CNTNAP5: variants seen among roughly 807,000 people sequenced by gnomAD.
CNTNAP5 encodes the protein contactin-associated protein-like 5.
In CNTNAP5, 72 loss-of-function variants were observed where a neutral mutation model predicts 150.2. The ratio of observed to expected loss-of-function variants is 0.48; its 90% CI spans 0.40 to 0.58. CNTNAP5 has a LOEUF of 0.58. CNTNAP5 is among the 20% of genes least tolerant of loss of function. The probability of loss-of-function intolerance (pLI) is 0.00; values close to 1 mark genes in which losing one functional copy is unlikely to be tolerated. For missense variants in CNTNAP5, 1,636 were observed against 1,626.2 expected (o/e 1.01, Z -0.10); for synonymous variants, 672 against 619.8 (o/e 1.08, Z -1.25).
Position 124,896,056 on chromosome 2 carries a change from A to T in CNTNAP5, c.3437-6826A>T, listed in dbSNP as rs551348865. On this transcript the variant is annotated intron_variant, in intron 21 of 23. Transcript: ENST00000682447. ...ATTGCCATTCCGGTTCCATATCAAC[A>T]GTTCATTTAGTTTTAGGTATCAAAA... Among the ~76,000 whole-genome samples the T allele has an allele frequency of 2.4e-4, 36 of 151,554 alleles. 1 individual carries two copies. The highest frequency in any genetic ancestry group is 4.1e-4 in the Non-Finnish European group (28 of 68,008).
rs570822852 is a variant in CNTNAP5, at chr2:124,903,226, C to T, written c.3655+126C>T. 1.2e-4 allele frequency: 67 copies of T among 545,746 alleles called. No individual in the cohort carries two copies. The South Asian group carries it at 2.3e-3, about 19-fold the overall frequency. 33.8% of individuals were successfully genotyped at this position (545,746 alleles called of 1,614,324 possible). On this transcript the variant is annotated intron_variant, in intron 22 of 23. Coordinates refer to ENST00000682447, the MANE Select transcript of CNTNAP5 (RefSeq NM_001367498.1). ...TTTTACTTTGTATAATAACAGGTGG[C>T]TAAAAATTATGACTGATATTTCATG...
rs558213315 is a variant in CNTNAP5, at chr2:124,164,323, G to A, written c.83-57382G>A. Among the ~76,000 whole-genome samples, 7 of 152,290 alleles carry A rather than the reference G, an allele frequency of 4.6e-5. No homozygotes were observed. In the South Asian group the frequency reaches 1.0e-3, roughly 23 times the overall value. On this transcript the variant is annotated intron_variant, in intron 1 of 23. Transcript: ENST00000682447. ...GACTGGCTATCTCCTCAAGGCATGT[G>A]CCATTGATTAAGACACAACCCCCAA... is the stretch of plus-strand genomic sequence containing the variant.
chr2:124,459,160 C>T (rs776151798), intron 6 of CNTNAP5, among the ~76,000 whole-genome samples: 65 of 152,158 alleles, frequency 4.3e-4, no homozygotes, highest in East Asian at 1.2e-3. Context: ...TTAAAAATTG[C>T]GGTCAGCCCT....
In CNTNAP5 at chr2:124,248,396, G is replaced by T. The variant is rs1054702487; in HGVS notation, c.381+6003G>T. Among the ~76,000 whole-genome samples, 2 of 152,150 alleles carry T rather than the reference G, an allele frequency of 1.3e-5. 1 individual carries two copies. The highest frequency in any genetic ancestry group is 4.1e-4 in the South Asian group (2 of 4,828). ...GCCAGCTTAGAATAGTCAACTAAAG[G>T]ATCTCAAAGCTCATCATTCAACTTG... On this transcript the variant is annotated intron_variant, in intron 3 of 23. Coordinates refer to ENST00000682447, the MANE Select transcript of CNTNAP5 (RefSeq NM_001367498.1).
chr2:124,156,726 T>A (rs1283063123), intron 1 of CNTNAP5, among the ~76,000 whole-genome samples: 2 of 152,136 alleles, frequency 1.3e-5, no homozygotes, highest in Non-Finnish European at 2.9e-5. Context: ...TCACCTTAGG[T>A]GATCCACCCA....
rs1678716244 is a variant in CNTNAP5, at chr2:124,667,033, A to G, written c.2077+19075A>G. Among the ~76,000 whole-genome samples the G allele has an allele frequency of 2.0e-5, 3 of 151,412 alleles. No homozygotes were observed. The South Asian group carries it at 6.3e-4, about 32-fold the overall frequency. ...CTTTAAGAAGAACGATGGGGGAAAC[A>G]TGAGCAATGATTGGGCAGTTAGAGA... On this transcript the variant is annotated intron_variant, in intron 13 of 23. Coordinates refer to ENST00000682447, the MANE Select transcript of CNTNAP5 (RefSeq NM_001367498.1).
At chr2:124,319,747 G>A (rs1163977893) in intron 3 of CNTNAP5, among the ~76,000 whole-genome samples, 1 of 152,088 alleles carries the variant, frequency 6.6e-6, no homozygotes, top group Non-Finnish European at 1.5e-5. Context: ...CTAGATGCCA[G>A]TAGCACCTTT....
At chr2:124,219,939 C>A (rs181626509) in intron 1 of CNTNAP5, among the ~76,000 whole-genome samples, 1 of 151,770 alleles carries the variant, frequency 6.6e-6, no homozygotes, top group Non-Finnish European at 1.5e-5. Flanking sequence ...GGATCTGGCT[C>A]GGTTTTGTAT....
intron 1 of CNTNAP5, among the ~76,000 whole-genome samples, chr2:124,045,091 G>C (rs1434377254): frequency 6.6e-6 from 1 of 151,980 alleles, no homozygotes; most frequent in Non-Finnish European, 1.5e-5. Context: ...ATATGTCTCT[G>C]GCTCCAAAAT....
At chr2:124,081,599 C>T (rs1682559254) in intron 1 of CNTNAP5, among the ~76,000 whole-genome samples, 1 of 152,160 alleles carries the variant, frequency 6.6e-6, no homozygotes, top group Non-Finnish European at 1.5e-5. Flanking sequence ...GTGAATGAAT[C>T]AGCAGAATTT....
chr2:124,285,032 C>T (rs752263606), intron 3 of CNTNAP5, among the ~76,000 whole-genome samples: 2 of 152,188 alleles, frequency 1.3e-5, no homozygotes, highest in African/African-American at 4.8e-5. Context: ...GTCCTCCCAC[C>T]TCAGCCTTCT....
chr2:124,138,589 C>T (rs1684030403), intron 1 of CNTNAP5, among the ~76,000 whole-genome samples: 1 of 152,146 alleles, frequency 6.6e-6, no homozygotes, highest in African/African-American at 2.4e-5. Flanking sequence ...TACCACCATA[C>T]ATTGGGCTTC....
rs994473153 is a variant in CNTNAP5, at chr2:124,408,542, C to T, written c.382-8901C>T. ...CAGCACGCAGCTGGAGATCTGAGAA[C>T]GGGCAGACTGCCTCCTCAAGTGGGT... On this transcript the variant is annotated intron_variant, in intron 3 of 23. Transcript: ENST00000682447. 4.5e-4 allele frequency among the ~76,000 whole-genome samples: 68 copies of T among 151,500 alleles called. 1 individual carries two copies. The highest frequency in any genetic ancestry group is 9.7e-4 in the East Asian group (5 of 5,132).
intron 5 of CNTNAP5, among the ~76,000 whole-genome samples, chr2:124,438,669 A>G (rs1692597184): frequency 1.3e-5 from 2 of 152,164 alleles, no homozygotes; most frequent in Admixed American, 1.3e-4. Flanking sequence ...AAAGAGTCAA[A>G]TGAACATTTA....
chr2:124,376,794 C>T (rs1690659998), intron 3 of CNTNAP5, among the ~76,000 whole-genome samples: 1 of 150,852 alleles, frequency 6.6e-6, no homozygotes, highest in African/African-American at 2.5e-5. Flanking sequence ...TCGGATGGCC[C>T]TACCTTTTTT....
intron 19 of CNTNAP5, among the ~76,000 whole-genome samples, chr2:124,809,967 A>T (rs181041300): frequency 6.6e-6 from 1 of 152,324 alleles, no homozygotes; most frequent in East Asian, 1.9e-4. Context: ...TCAGACAGAT[A>T]TGGAACTTCT....
At chr2:124,912,088 C>T (rs1206404935) in intron 23 of CNTNAP5, among the ~76,000 whole-genome samples, 1 of 152,062 alleles carries the variant, frequency 6.6e-6, no homozygotes, top group Non-Finnish European at 1.5e-5. Flanking sequence ...TCCATTTTCT[C>T]ATTGCCTGTT....
intron 13 of CNTNAP5, among the ~76,000 whole-genome samples, chr2:124,670,175 T>TCCTTCCTTCCTTCCTC (rs1441589633): frequency 0.031 from 4,279 of 136,100 alleles, 80 homozygotes; most frequent in Non-Finnish European, 0.04. Flanking sequence ...CTTCCTTCCT[T>TCCTTCCTTCCTTCCTC]CCTCCCTCTC....
chr2:124,410,099 C>T (rs1051018811), intron 3 of CNTNAP5, among the ~76,000 whole-genome samples: 1 of 152,134 alleles, frequency 6.6e-6, no homozygotes, highest in Non-Finnish European at 1.5e-5. Context: ...TGATAAAATA[C>T]TTTAAACCAA....
Sources: gnomAD v4.1 joint callset for allele counts (sites outside exome capture counted in the v4.1 genomes callset) on GRCh38, gnomAD v4.1.1 for gene constraint, MANE v1.5 for transcripts, NCBI Gene and HGNC (gene_info 2026-07-23, HGNC 2026-07-21) for gene names.